ABCA6: variants seen among roughly 807,000 people sequenced by gnomAD.
The protein encoded by ABCA6 is ATP-binding cassette sub-family A member 6.
In ABCA6, 164 loss-of-function variants were observed where a neutral mutation model predicts 191.2. That is an observed-to-expected ratio of 0.86 (90% confidence interval 0.76 to 0.98). The LOEUF is 0.98. Among genes scored for constraint, ABCA6 ranks in the 50% least tolerant of loss-of-function variants. The pLI, the probability that ABCA6 is intolerant of heterozygous loss-of-function variation, is 0.00. For missense variants in ABCA6, 1,958 were observed against 1,894.1 expected, an observed-to-expected ratio of 1.03 and a Z score of -0.63; for synonymous variants, 636 against 647.7, an observed-to-expected ratio of 0.98 and a Z score of 0.27.
At chr17:69,134,789 G>A in intron 4 of ABCA6, 47 bp from the exon 5 acceptor site, 1 of 1,300,650 alleles carries the variant, frequency 7.7e-7, no homozygotes, top group Non-Finnish European at 1.1e-6. Flanking sequence ...GACGAGGGCA[G>A]TTGGAGAATA....
At chr17:69,132,023 T>G (rs189255419) in intron 6 of ABCA6, among the ~76,000 whole-genome samples, 33 of 152,258 alleles carry the variant, frequency 2.2e-4, no homozygotes, top group Admixed American at 1.9e-3. Flanking sequence ...TCTTCTCTCT[T>G]TTTTATTTGA....
At chr17:69,079,394 T>C (rs973373084) in intron 37 of ABCA6, 129 bp from the exon 38 acceptor site, 3 of 576,166 alleles carry the variant, frequency 5.2e-6, no homozygotes, top group Non-Finnish European at 8.7e-6. Context: ...CAATGCTTGA[T>C]GTAAGGATGA....
At chr17:69,079,427 TAATATA>T (rs1264677565) in intron 37 of ABCA6, among the ~76,000 whole-genome samples, 162 bp from the exon 38 acceptor site, 1 of 152,352 alleles carries the variant, frequency 6.6e-6, no homozygotes, top group East Asian at 1.9e-4. Context: ...CATACAGAAT[TAATATA>T]AATATATACT....
chr17:69,091,070 C>T, intron 26 of ABCA6, 73 bp downstream of exon 26: 2 of 1,483,288 alleles, frequency 1.3e-6, no homozygotes, highest in Non-Finnish European at 1.8e-6. Context: ...CTTTCTGTCT[C>T]TCTTGATCTG....
In ABCA6 at chr17:69,140,396, G is replaced by T. The variant is rs111639165; in HGVS notation, c.96+212C>A. Among the ~76,000 whole-genome samples, 1,115 of 152,136 alleles carry T rather than the reference G, an allele frequency of 7.3e-3. 11 individuals are homozygous for T. Among genetic ancestry groups the T allele is most frequent in the Middle Eastern group, 0.024 (7 of 294 alleles). On this transcript the variant is annotated intron_variant, in intron 2 of 38. Coordinates refer to ENST00000284425, the MANE Select transcript of ABCA6 (RefSeq NM_080284.3). ...GCTGTAATTTACCATATAATTAAATGTTCACTTAATCTCTTTTTATATGAG... is the reference window on the plus strand; with the variant it reads ...GCTGTAATTTACCATATAATTAAATTTTCACTTAATCTCTTTTTATATGAG...
chr17:69,129,948 A>C (rs2073832672), intron 6 of ABCA6, among the ~76,000 whole-genome samples, 197 bp from the exon 7 acceptor site: 1 of 152,116 alleles, frequency 6.6e-6, no homozygotes, highest in African/African-American at 2.4e-5. Flanking sequence ...ATTGCCATTC[A>C]TCTTCGTTAC....
chr17:69,132,405 T>C (rs1327141220), intron 6 of ABCA6, among the ~76,000 whole-genome samples: 1 of 152,358 alleles, frequency 6.6e-6, no homozygotes, highest in South Asian at 2.1e-4. Context: ...TTGTATGATT[T>C]GCATTCCTAT....
At chr17:69,080,341 G>A (rs1341387321) in intron 37 of ABCA6, among the ~76,000 whole-genome samples, 4 of 152,070 alleles carry the variant, frequency 2.6e-5, no homozygotes, top group Non-Finnish European at 4.4e-5. Context: ...ACGTCACCCA[G>A]CTAGTAAGCA....
chr17:69,096,093 C>T (rs1283459199), intron 25 of ABCA6, 147 bp downstream of exon 25: 3 of 347,264 alleles, frequency 8.6e-6, no homozygotes, highest in Middle Eastern at 1.6e-3. Flanking sequence ...GATTCAGTAA[C>T]AGTGTTACAC....
At chr17:69,115,555 C>T in intron 11 of ABCA6, 69 bp from the exon 12 acceptor site, 1 of 1,091,928 alleles carries the variant, frequency 9.2e-7, no homozygotes, top group Non-Finnish European at 1.3e-6. Flanking sequence ...CAGGCCTGGT[C>T]CCAACATAGA....
At chr17:69,115,657 T>C (rs1017302286) in intron 11 of ABCA6, 171 bp from the exon 12 acceptor site, 5 of 464,040 alleles carry the variant, frequency 1.1e-5, no homozygotes, top group African/African-American at 2.0e-5. Context: ...CAAAATAATA[T>C]GTGACAGAAC....
In ABCA6 at chr17:69,123,310, G is replaced by C. The variant is rs372434384; in HGVS notation, c.1365C>G (p.Ile455Met). The C allele has an allele frequency of 2.0e-5, 32 of 1,573,702 alleles. No homozygotes were observed. The highest frequency in any genetic ancestry group is 2.7e-5 in the Non-Finnish European group (31 of 1,155,116). Residue 455 changes from isoleucine to methionine, a missense_variant, in exon 10 of 39, where the codon ATC (isoleucine) becomes ATG (methionine). Coordinates refer to ENST00000284425, the MANE Select transcript of ABCA6 (RefSeq NM_080284.3). ...RTNAKVIEKE[I>M]DAEHPSDDYF... Reference sequence around the variant, plus strand: ...AATCATCAGAGGGATGCTCAGCATCGATTTCTTTCTCAATAACCTTAGCAT... The same window carrying C: ...AATCATCAGAGGGATGCTCAGCATCCATTTCTTTCTCAATAACCTTAGCAT...
At position 69,087,536 on chromosome 17, in the gene ABCA6, C is replaced by A; in HGVS notation, c.3699-63G>T. ...AGCTGTTAAAAGATGTGTCAAAAAT[C>A]AGCATTCCTGTGATTTTACTACTGT... On this transcript the variant is annotated intron_variant, in intron 28 of 38. Transcript: ENST00000284425. The A allele has an allele frequency of 1.9e-6, 3 of 1,593,510 alleles. No individual in the cohort carries two copies. In the Admixed American group the frequency reaches 5.1e-5, roughly 27 times the overall value.
intron 10 of ABCA6, among the ~76,000 whole-genome samples, chr17:69,122,961 A>T (rs1160383533): frequency 2.0e-5 from 3 of 150,176 alleles, no homozygotes; most frequent in South Asian, 4.3e-4. Flanking sequence ...GGAATTGAAC[A>T]ATGAGAACAC....
At chr17:69,085,869 G>A (rs1303590236) in intron 30 of ABCA6, among the ~76,000 whole-genome samples, 153 bp from the exon 31 acceptor site, 1 of 152,142 alleles carries the variant, frequency 6.6e-6, no homozygotes, top group Non-Finnish European at 1.5e-5. Flanking sequence ...ACCAAAGCAT[G>A]TTCTTTATTT....
intron 26 of ABCA6, 98 bp downstream of exon 26, chr17:69,091,045 T>C (rs2072910663): frequency 7.8e-7 from 1 of 1,275,224 alleles, no homozygotes; most frequent in South Asian, 1.6e-5. Flanking sequence ...TTGCTGTTAC[T>C]CCCCAGTTCC....
chr17:69,087,540 A>T (rs1224906515), intron 28 of ABCA6, 67 bp from the exon 29 acceptor site: 1 of 1,578,018 alleles, frequency 6.3e-7, no homozygotes, highest in Non-Finnish European at 8.6e-7. Context: ...AAAAATCAGC[A>T]TTCCTGTGAT....
In ABCA6 at chr17:69,123,384, G is replaced by C; in HGVS notation, c.1291C>G (p.Pro431Ala). 1.3e-6 allele frequency: 2 copies of C among 1,509,720 alleles called. No homozygotes were observed. 93.5% of individuals were successfully genotyped at this position (1,509,720 alleles called of 1,614,324 possible). The change falls in exon 10 of 39, where the codon CCT (proline) becomes GCT (alanine). Residue 431 changes from proline to alanine, a missense_variant. Transcript: ENST00000284425. ...LPYGDERHYS[P>A]LFFLNSSSCF... ...GATGATGAATTCAAGAAAAATAAAG[G>C]AGAATAATGGCGCTCATCTCCATCT...
chr17:69,099,367 G>A (rs2073123969), intron 22 of ABCA6, among the ~76,000 whole-genome samples: 1 of 152,148 alleles, frequency 6.6e-6, no homozygotes, highest in African/African-American at 2.4e-5. Context: ...ATGGGGAAGT[G>A]GGAGTGGGGA....
Sources: allele counts gnomAD v4.1 joint callset (sites outside exome capture counted in the v4.1 genomes callset), GRCh38; gene constraint gnomAD v4.1.1; transcripts MANE v1.5; gene names NCBI Gene and HGNC (gene_info 2026-07-23, HGNC 2026-07-21).